Variants in RBFOX1 observed in about 807,000 individuals in gnomAD.
The protein encoded by RBFOX1 is RNA binding protein fox-1 homolog 1.
A neutral mutation model predicts 57.7 loss-of-function variants in RBFOX1; 8 were observed. That is an observed-to-expected ratio of 0.14 (90% CI 0.08 to 0.25). The LOEUF is 0.25. Ranked by LOEUF, RBFOX1 falls within the 10% of genes least tolerant of loss-of-function variation. RBFOX1 has a pLI of 1.00. For missense variants in RBFOX1, 611 were observed against 548.5 expected, an observed-to-expected ratio of 1.11 and a Z score of -1.14; for synonymous variants, 326 against 222.4, an observed-to-expected ratio of 1.47 and a Z score of -4.15.
intron 1 of RBFOX1, among the ~76,000 whole-genome samples, chr16:5,444,459 T>C (rs1308873357): frequency 2.0e-5 from 3 of 152,160 alleles, no homozygotes; most frequent in South Asian, 4.1e-4. Flanking sequence ...ATCATTCTTA[T>C]TGGAGGATGT....
intron 3 of RBFOX1, among the ~76,000 whole-genome samples, chr16:6,806,081 G>A (rs1054158792): frequency 6.6e-6 from 1 of 152,142 alleles, no homozygotes; most frequent in Non-Finnish European, 1.5e-5. Flanking sequence ...GAAGTATATG[G>A]TTCACAAAGA....
At chr16:5,749,620 C>G (rs2053117986) in intron 3 of RBFOX1, among the ~76,000 whole-genome samples, 1 of 152,204 alleles carries the variant, frequency 6.6e-6, no homozygotes, top group South Asian at 2.1e-4. Flanking sequence ...TTCATTTGAT[C>G]TTCAATCACT....
intron 13 of RBFOX1, among the ~76,000 whole-genome samples, chr16:7,672,712 T>G (rs1323549508): frequency 6.6e-6 from 1 of 151,162 alleles, no homozygotes; most frequent in East Asian, 2.0e-4. Flanking sequence ...CTACTAAAAA[T>G]ACAAGTTAGC....
intron 3 of RBFOX1, among the ~76,000 whole-genome samples, chr16:7,028,902 T>C (rs1175723708): frequency 6.6e-6 from 1 of 151,064 alleles, no homozygotes; most frequent in Non-Finnish European, 1.5e-5. Flanking sequence ...CAGCTATGTG[T>C]TGCTAGGAAA....
intron 3 of RBFOX1, among the ~76,000 whole-genome samples, chr16:6,986,899 C>T (rs541550031): frequency 6.6e-6 from 1 of 152,258 alleles, no homozygotes; most frequent in South Asian, 2.1e-4. Context: ...GCAGAGGGAC[C>T]TGAAAGGTTA....
chr16:6,658,407 C>A (rs145238178), intron 3 of RBFOX1, among the ~76,000 whole-genome samples: 1 of 151,932 alleles, frequency 6.6e-6, no homozygotes, highest in Non-Finnish European at 1.5e-5. Context: ...TGGGGTTTTA[C>A]CATGTTGGCC....
At chr16:5,532,045 C>T (rs949918734) in intron 2 of RBFOX1, among the ~76,000 whole-genome samples, 11 of 152,230 alleles carry the variant, frequency 7.2e-5, no homozygotes, top group South Asian at 2.1e-4. Context: ...AGTGACTGTC[C>T]GCCTCGACCT....
chr16:7,292,001 T>TATATAAC (rs1293835726), intron 4 of RBFOX1, among the ~76,000 whole-genome samples: 3 of 141,864 alleles, frequency 2.1e-5, no homozygotes, highest in African/African-American at 7.9e-5. Context: ...TGATGTATTA[T>TATATAAC]ATGTATTATA....
chr16:7,706,262 G>C (rs1009629019), intron 14 of RBFOX1, among the ~76,000 whole-genome samples: 4 of 152,190 alleles, frequency 2.6e-5, no homozygotes, highest in Non-Finnish European at 5.9e-5. Flanking sequence ...CTGGGGAAAT[G>C]AAATTTATTA....
intron 1 of RBFOX1, among the ~76,000 whole-genome samples, chr16:6,254,267 C>G (rs2097646802): frequency 6.6e-6 from 1 of 152,100 alleles, no homozygotes; most frequent in Non-Finnish European, 1.5e-5. Context: ...CAGATGTATT[C>G]AGGGAGAACG....
At chr16:6,541,788 G>C (rs1406272711) in intron 2 of RBFOX1, among the ~76,000 whole-genome samples, 4 of 152,118 alleles carry the variant, frequency 2.6e-5, no homozygotes, top group Non-Finnish European at 5.9e-5. Flanking sequence ...ATGAGGACTA[G>C]ACCCTAGACT....
chr16:6,678,278 C>T (rs757082448), intron 3 of RBFOX1, among the ~76,000 whole-genome samples: 3 of 152,092 alleles, frequency 2.0e-5, no homozygotes, highest in Admixed American at 6.6e-5. Flanking sequence ...GCGTGTACCA[C>T]CACACATGGC....
At chr16:7,469,657 T>C (rs920935139) in intron 4 of RBFOX1, among the ~76,000 whole-genome samples, 7 of 152,244 alleles carry the variant, frequency 4.6e-5, no homozygotes, top group Non-Finnish European at 1.0e-4. Flanking sequence ...CACATCATTA[T>C]GGTACATTTG....
rs1337483348 is a variant in RBFOX1, at chr16:6,743,853, T to A, written c.-16+89203T>A. 4.5e-3 allele frequency among the ~76,000 whole-genome samples: 538 copies of A among 120,148 alleles called. 17 individuals carry two copies. Among genetic ancestry groups the A allele is most frequent in the African/African-American group, 0.017 (529 of 30,276 alleles). The allele number at this position is 120,148 out of a possible 152,430, so 78.8% of individuals were successfully genotyped here. A position where few individuals can be genotyped will look rare whatever the true frequency, so the allele number is the denominator to read the frequency against. On this transcript the variant is annotated intron_variant, in intron 3 of 15. Coordinates refer to ENST00000550418, the MANE Select transcript of RBFOX1 (RefSeq NM_018723.4). ...TTAAAAAATCATGTTCATTTATTTC[T>A]GATTATTTGTAACACATTTTCCTAT...
chr16:6,533,603 A>G (rs1178174056), intron 2 of RBFOX1, among the ~76,000 whole-genome samples: 1 of 152,150 alleles, frequency 6.6e-6, no homozygotes, highest in East Asian at 1.9e-4. Context: ...TTTTCCTTGA[A>G]AAAGCACCAG....
At chr16:7,700,043 G>C (rs1233018080) in intron 14 of RBFOX1, among the ~76,000 whole-genome samples, 2 of 151,976 alleles carry the variant, frequency 1.3e-5, no homozygotes, top group Non-Finnish European at 2.9e-5. Context: ...TGGGGTTCAG[G>C]GCCCAGAACC....
chr16:5,491,804 C>T (rs1196127759), intron 2 of RBFOX1, among the ~76,000 whole-genome samples: 5 of 152,316 alleles, frequency 3.3e-5, no homozygotes, highest in South Asian at 4.1e-4. Flanking sequence ...TTCAGTTGTT[C>T]TCAAGCCTAG....
At position 5,490,239 on chromosome 16, in the gene RBFOX1, C is replaced by G. The variant is rs565031590; in HGVS notation, c.258+22985C>G. On this transcript the variant is annotated intron_variant, in intron 2 of 2. Transcript: ENST00000585867. Reference sequence around the variant, plus strand: ...TCATTTTGGGAAGGGCTACAACTACCAGTTACATCCCAAGGCAGACACTGG... The same window carrying G: ...TCATTTTGGGAAGGGCTACAACTACGAGTTACATCCCAAGGCAGACACTGG... 7.2e-5 allele frequency among the ~76,000 whole-genome samples: 11 copies of G among 152,310 alleles called. No individual in the cohort carries two copies. In the East Asian group the frequency reaches 1.9e-3, roughly 27 times the overall value.
chr16:5,851,549 A>G (rs2056897753), intron 3 of RBFOX1, among the ~76,000 whole-genome samples: 1 of 152,212 alleles, frequency 6.6e-6, no homozygotes, highest in African/African-American at 2.4e-5. Flanking sequence ...TAAGAAAAGC[A>G]AACGGTCAAC....
Sources: gnomAD v4.1 joint callset for allele counts (sites outside exome capture counted in the v4.1 genomes callset) on GRCh38, gnomAD v4.1.1 for gene constraint, MANE v1.5 for transcripts, NCBI Gene and HGNC (gene_info 2026-07-23, HGNC 2026-07-21) for gene names.